AKAP19: variants seen among roughly 807,000 people sequenced by gnomAD.
AKAP19 encodes A-kinase anchoring protein 19.
At chr2:190,040,855 T>G in the AKAP19 span, among the ~76,000 whole-genome samples, 2 of 152,156 alleles carry the variant, frequency 1.3e-5, no homozygotes, top group East Asian at 3.8e-4. Context: ...ATTTCTGGGC[T>G]CTCTATTCTG....
chr2:190,116,858 C>T, the AKAP19 span, among the ~76,000 whole-genome samples: 4 of 152,142 alleles, frequency 2.6e-5, no homozygotes, highest in African/African-American at 7.2e-5. Context: ...TACTTTTTCC[C>T]CAAGACCCAT....
chr2:189,993,331 G>T, the AKAP19 span, among the ~76,000 whole-genome samples: 2 of 152,120 alleles, frequency 1.3e-5, no homozygotes, highest in Non-Finnish European at 2.9e-5. Context: ...ACTTCCATAT[G>T]TTAAACTATC....
the AKAP19 span, among the ~76,000 whole-genome samples, chr2:190,198,108 T>C: frequency 1.3e-5 from 2 of 152,186 alleles, no homozygotes; most frequent in African/African-American, 2.4e-5. Context: ...CTCTGAAGTA[T>C]GCAGCGTGAA....
At chr2:190,147,698 T>C in the AKAP19 span, among the ~76,000 whole-genome samples, 3 of 152,020 alleles carry the variant, frequency 2.0e-5, no homozygotes. Flanking sequence ...TAGTTCTCCT[T>C]GTAGAGGTCT....
At chr2:189,883,627 T>C in the AKAP19 span, among the ~76,000 whole-genome samples, 1 of 151,980 alleles carries the variant, frequency 6.6e-6, no homozygotes, top group Non-Finnish European at 1.5e-5. Flanking sequence ...ATAAAATCTT[T>C]TAAACTAAAG....
At chr2:190,194,912 G>C in the AKAP19 span, among the ~76,000 whole-genome samples, 1 of 152,112 alleles carries the variant, frequency 6.6e-6, no homozygotes, top group East Asian at 1.9e-4. Context: ...GAGTGCAGTG[G>C]TGCAATCAAT....
the AKAP19 span, among the ~76,000 whole-genome samples, chr2:189,926,495 C>A: frequency 2.6e-5 from 4 of 151,516 alleles, no homozygotes; most frequent in East Asian, 7.8e-4. Flanking sequence ...ACTGTGTTAG[C>A]CAGGGTGGTC....
chr2:189,899,399 T>G, the AKAP19 span, among the ~76,000 whole-genome samples: 1 of 152,196 alleles, frequency 6.6e-6, no homozygotes, highest in Non-Finnish European at 1.5e-5. Context: ...TCTCCTCTCC[T>G]TCATATAGAT....
chr2:189,884,648 C>T, the AKAP19 span, among the ~76,000 whole-genome samples: 1 of 152,224 alleles, frequency 6.6e-6, no homozygotes, highest in Non-Finnish European at 1.5e-5. Context: ...GTCCAATCCT[C>T]TGCCCCTAAA....
the AKAP19 span, among the ~76,000 whole-genome samples, chr2:189,972,106 T>C: frequency 4.6e-5 from 7 of 152,330 alleles, no homozygotes; most frequent in Admixed American, 2.6e-4. Context: ...AGGGTTTTTA[T>C]GGTTTTATGT....
the AKAP19 span, among the ~76,000 whole-genome samples, chr2:189,965,956 G>A: frequency 6.6e-6 from 1 of 151,962 alleles, no homozygotes; most frequent in South Asian, 2.1e-4. Flanking sequence ...GTATGTATGT[G>A]TGTGTGTGTG....
chr2:190,141,821 C>A, the AKAP19 span, among the ~76,000 whole-genome samples: 1 of 152,166 alleles, frequency 6.6e-6, no homozygotes, highest in African/African-American at 2.4e-5. Context: ...TTGAGAGAAG[C>A]TTTATATTGC....
the AKAP19 span, among the ~76,000 whole-genome samples, chr2:190,043,849 G>A: frequency 5.6e-4 from 85 of 152,172 alleles, 4 homozygotes; most frequent in Non-Finnish European, 1.5e-5. Flanking sequence ...AGTGTACATT[G>A]AGTACAGTCA....
chr2:189,950,713 A>G, the AKAP19 span, among the ~76,000 whole-genome samples: 4,291 of 152,296 alleles, frequency 0.028, 89 homozygotes, highest in Non-Finnish European at 0.044. Flanking sequence ...TTGCCTATGT[A>G]TATAAATACA....
the AKAP19 span, chr2:189,930,688 AAAAG>A: frequency 1.0e-5 from 5 of 489,822 alleles, no homozygotes; most frequent in African/African-American, 4.1e-5. Flanking sequence ...AAAAAAAAAA[AAAAG>A]AAATTGAATT....
chr2:190,025,385 A>G, the AKAP19 span, among the ~76,000 whole-genome samples: 1 of 152,200 alleles, frequency 6.6e-6, no homozygotes, highest in Non-Finnish European at 1.5e-5. Flanking sequence ...TGCACAATGA[A>G]CTGAATATTT....
the AKAP19 span, among the ~76,000 whole-genome samples, chr2:189,897,195 ATTTCTT>A: frequency 2.6e-5 from 4 of 152,268 alleles, no homozygotes; most frequent in East Asian, 7.7e-4. Flanking sequence ...CGTATTTCTT[ATTTCTT>A]TTTATCTATT....
the AKAP19 span, among the ~76,000 whole-genome samples, chr2:189,974,336 C>A: frequency 6.6e-6 from 1 of 152,148 alleles, no homozygotes; most frequent in Admixed American, 6.5e-5. Flanking sequence ...GCACTGTGAT[C>A]TGAGAGACAG....
the AKAP19 span, among the ~76,000 whole-genome samples, chr2:189,916,574 G>A: frequency 2.0e-5 from 3 of 151,850 alleles, no homozygotes; most frequent in Admixed American, 2.0e-4. Context: ...CACCCGCCTC[G>A]GCCTCCCAAA....
Sources: gnomAD v4.1 joint callset for allele counts (sites outside exome capture counted in the v4.1 genomes callset) on GRCh38, gnomAD v4.1.1 for gene constraint, MANE v1.5 for transcripts, NCBI Gene and HGNC (gene_info 2026-07-23, HGNC 2026-07-21) for gene names.